The following TCAF1 variants were observed in gnomAD, a reference collection of about 807,000 sequenced individuals.
The protein encoded by TCAF1 is TRPM8 channel-associated factor 1.
TCAF1 carries 4 observed loss-of-function variants against 27.3 expected under a neutral mutation model. The observed-to-expected ratio is 0.15, with a 90% CI of 0.07 to 0.34. The LOEUF is 0.34. TCAF1 is among the 10% of genes least tolerant of loss of function. The pLI is 1.00. For missense variants in TCAF1, 257 were observed against 425.8 expected (o/e 0.60, Z 3.49); for synonymous variants, 105 against 167.1 (o/e 0.63, Z 2.87).
In TCAF1 at chr7:143,857,113, G is replaced by GT; in HGVS notation, c.2742_2743insA (p.Leu915ThrfsTer19). 1.5e-6 allele frequency: 1 copy of GT among 686,488 alleles called. No homozygotes were observed. Among genetic ancestry groups the GT allele is most frequent in the Non-Finnish European group, 2.4e-6 (1 of 415,480 alleles). 42.5% of individuals were successfully genotyped at this position (686,488 alleles called of 1,614,324 possible). A position where few individuals can be genotyped will look rare whatever the true frequency, so the allele number is the denominator to read the frequency against. ...GGCACTCCTTACATCTGTGTGAGGA[G>GT]GTACAATTTCATAATATTTTCCTTC... On this transcript the variant is annotated frameshift_variant, in exon 8 of 9. Transcript: ENST00000479870. LOFTEE classifies it high-confidence loss of function.
chr7:143,859,984 T>C (rs1269115935), intron 6 of TCAF1, among the ~76,000 whole-genome samples: 2 of 25,280 alleles, frequency 7.9e-5, no homozygotes, highest in South Asian at 2.7e-3. Flanking sequence ...ATATATATTA[T>C]ATAATATATA....
In TCAF1 at chr7:143,879,930, C is replaced by T. The variant is rs151086048; in HGVS notation, c.-14-3308G>A. Reference sequence around the variant, plus strand: ...GCACGAGTACAAGCAGAACAGGGACCTCACATATCTGTCTCACTAGTTGTT... The same window carrying T: ...GCACGAGTACAAGCAGAACAGGGACTTCACATATCTGTCTCACTAGTTGTT... On this transcript the variant is annotated intron_variant, in intron 1 of 8. Coordinates refer to ENST00000479870, the MANE Select transcript of TCAF1 (RefSeq NM_014719.3). 1.7e-3 allele frequency among the ~76,000 whole-genome samples: 264 copies of T among 152,226 alleles called. 1 individual carries two copies. Among genetic ancestry groups the T allele is most frequent in the African/African-American group, 6.0e-3 (249 of 41,520 alleles).
At chr7:143,898,381 A>G (rs1437107048) in intron 1 of TCAF1, among the ~76,000 whole-genome samples, 1 of 152,190 alleles carries the variant, frequency 6.6e-6, no homozygotes, top group African/African-American at 2.4e-5. Flanking sequence ...AGGTATGAGA[A>G]TTAGAAACGA....
At position 143,876,254 on chromosome 7, in the gene TCAF1, T is replaced by C. The variant is rs531046645; in HGVS notation, c.355A>G (p.Lys119Glu). The C allele has an allele frequency of 5.6e-6, 9 of 1,614,204 alleles. No individual in the cohort carries two copies. The South Asian group carries it at 9.9e-5, about 18-fold the overall frequency. ...ATACAGTAAACCCCCAGGGAGTCTT[T>C]CACTTCTGGCTCAACCTTTGCATCC... ...GVDAKVEPEVKDSLGVYCIDA... is the reference protein window; with the variant it reads ...GVDAKVEPEVEDSLGVYCIDA... Residue 119 changes from lysine to glutamate, a missense_variant, in exon 2 of 9, where the codon AAA becomes GAA. Lys to Glu is a moderately conservative substitution (Grantham distance 56). Coordinates refer to ENST00000479870, the MANE Select transcript of TCAF1 (RefSeq NM_014719.3).
At chr7:143,887,181 G>GA (rs1813448423) in intron 1 of TCAF1, among the ~76,000 whole-genome samples, 1 of 152,172 alleles carries the variant, frequency 6.6e-6, no homozygotes, top group East Asian at 1.9e-4. Flanking sequence ...ATGAAATCCT[G>GA]AAAGTATTCA....
chr7:143,867,940 T>C lies in TCAF1; in HGVS notation c.621-4144A>G, dbSNP rs577224224. 1.2e-4 allele frequency among the ~76,000 whole-genome samples: 10 copies of C among 82,334 alleles called. 4 individuals are homozygous for C. The highest frequency in any genetic ancestry group is 2.7e-4 in the Non-Finnish European group (10 of 37,636). 54.0% of individuals were successfully genotyped at this position (82,334 alleles called of 152,430 possible). ...AACTCTGTCAAAAAACAATTTACCATAAATCTGTGGGTCTATCTCTAAACT... is the reference window on the plus strand; with the variant it reads ...AACTCTGTCAAAAAACAATTTACCACAAATCTGTGGGTCTATCTCTAAACT... On this transcript the variant is annotated intron_variant, in intron 2 of 8. Coordinates refer to ENST00000479870, the MANE Select transcript of TCAF1 (RefSeq NM_014719.3).
Position 143,895,638 on chromosome 7 carries a change from G to GA in TCAF1, c.-15+6322_-15+6323insT, listed in dbSNP as rs1813837566. On this transcript the variant is annotated intron_variant, in intron 1 of 8. Transcript: ENST00000479870. ...AACTCTACGCACATTATAACTCAGG[G>GA]TTTTTTTTTGTAAAAAGAAAAATCT... Among the ~76,000 whole-genome samples the GA allele has an allele frequency of 3.3e-5, 5 of 149,970 alleles. No homozygotes were observed. In the South Asian group the frequency reaches 1.1e-3, roughly 32 times the overall value.
chr7:143,883,500 C>CTTTTT lies in TCAF1; in HGVS notation c.-14-6883_-14-6879dup, dbSNP rs374825743. ...AATCGCATTTCTTTCTTTCCTTTTT[C>CTTTTT]TTTTTTTTTTTTTTTTTTTTTTTGA... On this transcript the variant is annotated intron_variant, in intron 1 of 8. Coordinates refer to ENST00000479870, the MANE Select transcript of TCAF1 (RefSeq NM_014719.3). Among the ~76,000 whole-genome samples the CTTTTT allele has an allele frequency of 7.6e-3, 749 of 98,042 alleles. 48 individuals are homozygous for CTTTTT. Among genetic ancestry groups the CTTTTT allele is most frequent in the Admixed American group, 0.035 (280 of 8,038 alleles). 64.3% of individuals were successfully genotyped at this position (98,042 alleles called of 152,430 possible). A position where few individuals can be genotyped will look rare whatever the true frequency, so the allele number is the denominator to read the frequency against.
intron 1 of TCAF1, chr7:143,882,859 G>T: frequency 1.0e-6 from 1 of 985,634 alleles, no homozygotes. Context: ...ATTTGGGAGC[G>T]GGGAGGAGGC....
Position 143,876,352 on chromosome 7 carries a change from G to C in TCAF1, c.257C>G (p.Ser86Cys). The C allele has an allele frequency of 2.5e-6, 4 of 1,614,200 alleles. No homozygotes were observed. The highest frequency in any genetic ancestry group is 3.4e-6 in the Non-Finnish European group (4 of 1,180,026). The change falls in exon 2 of 9, where the codon TCT becomes TGT. Residue 86 changes from serine (S) to cysteine (C), a missense_variant. Ser to Cys is a moderately radical substitution (Grantham distance 112, BLOSUM62 -1). Transcript: ENST00000479870. ...TACACCAATGGGAGCCCCAGGGGAA[G>C]AGCAAAGCCACCCCACTGCGTTCAG... Reference protein sequence around the residue: ...FLLNAVGWLCSSPGAPIGVHP... With the variant: ...FLLNAVGWLCCSPGAPIGVHP...
At chr7:143,892,416 T>C (rs908398091) in intron 1 of TCAF1, among the ~76,000 whole-genome samples, 1 of 150,578 alleles carries the variant, frequency 6.6e-6, no homozygotes, top group Non-Finnish European at 1.5e-5. Context: ...TTCAAAATAT[T>C]GAAGAAAAAT....
At chr7:143,878,804 T>C (rs1299415402) in intron 1 of TCAF1, among the ~76,000 whole-genome samples, 2 of 152,176 alleles carry the variant, frequency 1.3e-5, no homozygotes, top group Non-Finnish European at 2.9e-5. Flanking sequence ...TGGTCACAAG[T>C]CCTATTAATG....
intron 1 of TCAF1, among the ~76,000 whole-genome samples, chr7:143,888,102 C>T (rs1202083743): frequency 2.6e-5 from 4 of 152,118 alleles, no homozygotes; most frequent in African/African-American, 9.7e-5. Flanking sequence ...AAATATCTAA[C>T]TTTAATAAGG....
At chr7:143,892,822 C>T (rs1033873068) in intron 1 of TCAF1, among the ~76,000 whole-genome samples, 3 of 152,130 alleles carry the variant, frequency 2.0e-5, no homozygotes, top group Non-Finnish European at 2.9e-5. Context: ...AGAGCTCCCT[C>T]TCTTGGCCAT....
intron 1 of TCAF1, among the ~76,000 whole-genome samples, chr7:143,894,191 C>A (rs1214967410): frequency 6.6e-6 from 1 of 151,586 alleles, no homozygotes; most frequent in Non-Finnish European, 1.5e-5. Context: ...TATAAATAAT[C>A]CTATACATAA....
chr7:143,893,627 G>A (rs540386786), intron 1 of TCAF1, among the ~76,000 whole-genome samples: 24 of 151,876 alleles, frequency 1.6e-4, no homozygotes, highest in Admixed American at 5.2e-4. Context: ...AAATTCCCAC[G>A]TTTGGAAATT....
At chr7:143,887,081 T>A (rs924365780) in intron 1 of TCAF1, among the ~76,000 whole-genome samples, 1 of 152,096 alleles carries the variant, frequency 6.6e-6, no homozygotes, top group African/African-American at 2.4e-5. Context: ...AAATTTTAAA[T>A]GCTGGATCCT....
At chr7:143,882,639 G>C in intron 1 of TCAF1, 1 of 967,764 alleles carries the variant, frequency 1.0e-6, no homozygotes, top group African/African-American at 1.8e-5. Context: ...CCCCGCCCCG[G>C]CCTCCCGCCC....
rs148027288 is a variant in TCAF1, at chr7:143,883,784, C to T, written c.-14-7162G>A. ...CCTCCCAAAGTGTTGGGATTACAGG[C>T]GTGAGCCACCATCGTGCCCGCTCCC... On this transcript the variant is annotated intron_variant, in intron 1 of 8. Transcript: ENST00000479870. Among the ~76,000 whole-genome samples the T allele has an allele frequency of 9.1e-3, 1,386 of 152,262 alleles. 25 individuals are homozygous for T. Among genetic ancestry groups the T allele is most frequent in the African/African-American group, 0.031 (1,299 of 41,560 alleles).
Sources: gnomAD v4.1 joint callset for allele counts (sites outside exome capture counted in the v4.1 genomes callset) on GRCh38, gnomAD v4.1.1 for gene constraint, MANE v1.5 for transcripts, NCBI Gene and HGNC (gene_info 2026-07-23, HGNC 2026-07-21) for gene names.